The following ITGAE variants were observed in gnomAD, a reference collection of about 807,000 sequenced individuals.
ITGAE encodes integrin alpha-E.
A neutral mutation model predicts 136.5 loss-of-function variants in ITGAE; 99 were observed. That is an observed-to-expected ratio of 0.73 (90% CI 0.62 to 0.86). The LOEUF (loss-of-function observed/expected upper bound fraction) is 0.86. ITGAE is among the 40% of genes least tolerant of loss of function. The probability of loss-of-function intolerance (pLI) is 0.00; values close to 1 mark genes in which losing one functional copy is unlikely to be tolerated. For missense variants in ITGAE, 1,447 were observed against 1,515.3 expected, an observed-to-expected ratio of 0.95 and a Z score of 0.75; for synonymous variants, 613 against 591.8, an observed-to-expected ratio of 1.04 and a Z score of -0.52.
chr17:3,714,881 A>C lies in ITGAE; in HGVS notation c.3506T>G (p.Leu1169Arg). 6.2e-7 allele frequency: 1 copy of C among 1,611,288 alleles called. No individual in the cohort carries two copies. The highest frequency in any genetic ancestry group is 8.5e-7 in the Non-Finnish European group (1 of 1,178,342). The change falls in exon 31 of 31, where the codon CTG becomes CGG. Residue 1169 changes from leucine to arginine, a missense_variant. Transcript: ENST00000263087. The part of the protein sequence containing the change: ...LNLESIRKAQ[L>R]KSENLLEEEN ...TTCTTCGAGCAGATTCTCTGATTTC[A>C]GCTGGGCCTTCCTGATGCTCTCCAA... is the stretch of plus-strand genomic sequence containing the variant.
At chr17:3,724,155 A>C (rs2051144384) in intron 26 of ITGAE, 1 of 1,594,626 alleles carries the variant, frequency 6.3e-7, no homozygotes, top group African/African-American at 1.3e-5. Flanking sequence ...CTTCCCCGGC[A>C]GCCCGGTGAG....
chr17:3,739,937 C>G (rs2051545991), intron 19 of ITGAE, 59 bp from the exon 20 acceptor site: 1 of 1,383,306 alleles, frequency 7.2e-7, no homozygotes, highest in African/African-American at 1.4e-5. Context: ...GCAGCCCTGC[C>G]TCCGGCTCTT....
At chr17:3,724,628 C>T (rs1442052959) in intron 26 of ITGAE, 27 of 1,614,074 alleles carry the variant, frequency 1.7e-5, no homozygotes, top group African/African-American at 4.0e-5. Context: ...CCAAGGACAC[C>T]AGGATGGTCC....
At chr17:3,787,724 G>A (rs1181748809) in intron 1 of ITGAE, among the ~76,000 whole-genome samples, 2 of 148,788 alleles carry the variant, frequency 1.3e-5, no homozygotes, top group Non-Finnish European at 3.0e-5. Context: ...GTTTTGCTCC[G>A]TCGCCCAGGC....
chr17:3,753,724 T>G, intron 13 of ITGAE, 59 bp downstream of exon 13: 1 of 1,598,288 alleles, frequency 6.3e-7, no homozygotes. Context: ...CTCCTTTCCC[T>G]TGGGGGCCTC....
At chr17:3,743,992 C>T (rs901098497) in intron 18 of ITGAE, among the ~76,000 whole-genome samples, 13 of 151,032 alleles carry the variant, frequency 8.6e-5, no homozygotes, top group African/African-American at 2.4e-4. Flanking sequence ...CGTAAGCCAC[C>T]GCGCCCGGCC....
chr17:3,773,099 C>A (rs7216392), intron 2 of ITGAE, among the ~76,000 whole-genome samples: 21,250 of 152,176 alleles, frequency 0.14, 1,929 homozygotes, highest in African/African-American at 0.25. Flanking sequence ...GACCAAACAA[C>A]CATATCAGGG....
chr17:3,759,038 T>C (rs962419358), intron 8 of ITGAE, among the ~76,000 whole-genome samples: 1 of 149,088 alleles, frequency 6.7e-6, no homozygotes, highest in Non-Finnish European at 1.5e-5. Context: ...GGCAGGAGAA[T>C]GGTGTGAACC....
chr17:3,777,576 G>A lies in ITGAE; in HGVS notation c.119C>T (p.Ser40Phe). 6.2e-7 allele frequency: 1 copy of A among 1,613,968 alleles called. No homozygotes were observed. Residue 40 changes from serine (S) to phenylalanine (F), a missense_variant, in exon 2 of 31, where the codon TCC (serine) becomes TTC (phenylalanine). Ser to Phe is a radical substitution (Grantham distance 155, BLOSUM62 -2). Transcript: ENST00000263087. ...GGTGCTGGGGTCTTGGTGCAGAAGG[G>A]AGCTGAGCACGAAAGGGGCACCTCC... ...PKGGAPFVLS[S>F]LLHQDPSTNQ...
chr17:3,790,951 G>A (rs902005637), intron 1 of ITGAE, among the ~76,000 whole-genome samples: 9 of 152,072 alleles, frequency 5.9e-5, no homozygotes, highest in East Asian at 5.9e-4. Flanking sequence ...TCAGGAGATC[G>A]AGACCGTCCT....
At chr17:3,749,370 A>T (rs972971045) in intron 16 of ITGAE, among the ~76,000 whole-genome samples, 1 of 151,532 alleles carries the variant, frequency 6.6e-6, no homozygotes, top group Admixed American at 6.6e-5. Flanking sequence ...CTCCTGCCTC[A>T]GCCTCCCGAG....
intron 24 of ITGAE, 93 bp from the exon 25 acceptor site, chr17:3,728,261 T>C (rs1597305290): frequency 6.3e-6 from 6 of 958,080 alleles, no homozygotes; most frequent in Non-Finnish European, 1.0e-5. Context: ...TAGAGCACAG[T>C]GGAACAATCA....
At chr17:3,750,519 A>G in intron 15 of ITGAE, 37 bp from the exon 16 acceptor site, 1 of 1,610,224 alleles carries the variant, frequency 6.2e-7, no homozygotes, top group Non-Finnish European at 8.5e-7. Context: ...GGGCGAGGGA[A>G]GGGAGGGAAA....
intron 17 of ITGAE, among the ~76,000 whole-genome samples, chr17:3,747,470 C>T (rs762238858): frequency 2.6e-5 from 4 of 152,010 alleles, no homozygotes; most frequent in Non-Finnish European, 4.4e-5. Flanking sequence ...GGCACCTGCC[C>T]GGCTAATTTT....
intron 13 of ITGAE, 37 bp from the exon 14 acceptor site, chr17:3,753,467 C>T (rs201166547): frequency 8.4e-5 from 135 of 1,602,136 alleles, no homozygotes; most frequent in Admixed American, 4.4e-4. Context: ...CCAGGAGCCC[C>T]GCTCCTGCAC....
intron 20 of ITGAE, among the ~76,000 whole-genome samples, chr17:3,736,428 G>C (rs987624025): frequency 2.6e-5 from 4 of 152,218 alleles, no homozygotes; most frequent in Non-Finnish European, 4.4e-5. Context: ...GACCCTAGGT[G>C]AGGTACTCTA....
At chr17:3,743,417 A>C in intron 19 of ITGAE, 72 bp downstream of exon 19, 1 of 1,480,200 alleles carries the variant, frequency 6.8e-7, no homozygotes, top group Non-Finnish European at 9.0e-7. Context: ...CATTCTTGGA[A>C]GTTAGGGGAG....
In ITGAE at chr17:3,725,080, C is replaced by A. The variant is rs756101851; in HGVS notation, c.3085-1336G>T. 1.7e-5 allele frequency: 27 copies of A among 1,614,066 alleles called. No homozygotes were observed. The highest frequency in any genetic ancestry group is 2.3e-5 in the Non-Finnish European group (27 of 1,180,042). On this transcript the variant is annotated intron_variant, in intron 26 of 30. Coordinates refer to ENST00000263087, the MANE Select transcript of ITGAE (RefSeq NM_002208.5). ...CCTTTACAGAATGTCTGCTTTTGGA[C>A]CAAAACCAGGGCTTCCTTCAGTTTC... is the stretch of plus-strand genomic sequence containing the variant.
chr17:3,747,781 C>G (rs1328523599), intron 17 of ITGAE, 141 bp downstream of exon 17: 5 of 638,856 alleles, frequency 7.8e-6, no homozygotes, highest in Admixed American at 3.1e-5. Flanking sequence ...GAGCTAAGCT[C>G]TAATCGAGGG....
Sources: allele counts gnomAD v4.1 joint callset (sites outside exome capture counted in the v4.1 genomes callset), GRCh38; gene constraint gnomAD v4.1.1; transcripts MANE v1.5; gene names NCBI Gene and HGNC (gene_info 2026-07-23, HGNC 2026-07-21).